CTNND1: variants seen among roughly 807,000 people sequenced by gnomAD.
CTNND1 encodes catenin delta 1, also known as catenin delta-1.
In CTNND1, 16 loss-of-function variants were observed where a neutral mutation model predicts 112.1. The observed-to-expected ratio is 0.14, with a 90% CI of 0.10 to 0.22. CTNND1 has a LOEUF of 0.22. Ranked by LOEUF, CTNND1 falls within the 10% of genes least tolerant of loss-of-function variation. CTNND1 has a pLI of 1.00. For synonymous variants in CTNND1, 420 were observed against 446.5 expected (o/e 0.94, Z 0.75); for missense variants, 1,008 against 1,257.0 (o/e 0.80, Z 3.00).
intron 1 of CTNND1, among the ~76,000 whole-genome samples, chr11:57,763,243 T>C (rs576829809): frequency 1.3e-4 from 20 of 152,326 alleles, no homozygotes; most frequent in African/African-American, 4.6e-4. Flanking sequence ...AACTCATCAG[T>C]AGCTGAAAAA....
Position 57,808,286 on chromosome 11 carries a change from C to T in CTNND1, c.2085C>T (p.Arg695=), listed in dbSNP as rs2062949209. ...CTATCCAGAACTTGTGTGCTGGGCG[C>T]TGGACGGTACCTTTTAGAAAAGGGA... ...AGAIQNLCAG[R]WTYGRYIRSA... is the part of the protein sequence containing the mutation. The change falls in exon 13 of 21, where the codon CGC becomes CGT. Residue 695 remains arginine, a synonymous_variant. Coordinates refer to ENST00000399050, the MANE Select transcript of CTNND1 (RefSeq NM_001085458.2). The T allele has an allele frequency of 6.2e-7, 1 of 1,609,158 alleles. No individual in the cohort carries two copies. Among genetic ancestry groups the T allele is most frequent in the Non-Finnish European group, 8.5e-7 (1 of 1,175,794 alleles).
intron 1 of CTNND1, among the ~76,000 whole-genome samples, chr11:57,770,519 G>A (rs1952308867): frequency 1.3e-5 from 2 of 151,878 alleles, no homozygotes; most frequent in Admixed American, 1.3e-4. Flanking sequence ...TGGGCGTGGT[G>A]GCACATGCCT....
chr11:57,807,627 A>G (rs1268667), intron 12 of CTNND1, among the ~76,000 whole-genome samples: 43,458 of 141,228 alleles, frequency 0.31, 7,391 homozygotes, highest in Non-Finnish European at 0.4. Context: ...AAAAAAAAAA[A>G]AAAAGAAAAG....
intron 1 of CTNND1, among the ~76,000 whole-genome samples, chr11:57,762,873 T>G (rs1333975867): frequency 6.6e-6 from 1 of 152,214 alleles, no homozygotes; most frequent in Non-Finnish European, 1.5e-5. Flanking sequence ...ATAAGGAAAT[T>G]CTAATCATGC....
intron 1 of CTNND1, among the ~76,000 whole-genome samples, chr11:57,769,952 A>C (rs1952137378): frequency 6.6e-6 from 1 of 152,184 alleles, no homozygotes; most frequent in African/African-American, 2.4e-5. Flanking sequence ...TCCGGAGTAA[A>C]TCATCTGTTT....
In CTNND1 at chr11:57,800,033, G is replaced by A. The variant is rs2061828546; in HGVS notation, c.957-1700G>A. Among the ~76,000 whole-genome samples, 8 of 126,356 alleles carry A rather than the reference G, an allele frequency of 6.3e-5. No individual in the cohort carries two copies. In the South Asian group the frequency reaches 2.0e-3, roughly 32 times the overall value. The allele number at this position is 126,356 out of a possible 152,430, so 82.9% of individuals were successfully genotyped here. ...GATGGAGTCTTGCTCTGTCACCCAG[G>A]CTGGAGAGCAGTGGTGCGATCTGGT... On this transcript the variant is annotated intron_variant, in intron 6 of 20. Transcript: ENST00000399050.
intron 1 of CTNND1, among the ~76,000 whole-genome samples, chr11:57,781,184 G>A (rs1026653294): frequency 6.6e-6 from 1 of 152,080 alleles, no homozygotes; most frequent in African/African-American, 2.4e-5. Flanking sequence ...TGATCCACCC[G>A]CCTCAGCCTC....
intron 1 of CTNND1, among the ~76,000 whole-genome samples, chr11:57,785,737 C>T (rs1444473503): frequency 2.0e-5 from 3 of 151,838 alleles, no homozygotes; most frequent in Admixed American, 6.6e-5. Context: ...TTAGTAGAGA[C>T]GGGGTTTCAC....
Position 57,808,471 on chromosome 11 carries a change from C to T in CTNND1, c.2173C>T (p.Arg725Trp), listed in dbSNP as rs199570555. The change falls in exon 14 of 21, where the codon CGG (arginine) becomes TGG (tryptophan). Residue 725 changes from arginine (R) to tryptophan (W), a missense_variant. Arg to Trp is a moderately radical substitution (Grantham distance 101). Coordinates refer to ENST00000399050, the MANE Select transcript of CTNND1 (RefSeq NM_001085458.2). Reference protein sequence around the residue: ...IADLLTNEHERVVKAASGALR... With the variant: ...IADLLTNEHEWVVKAASGALR... ...TGACCTCCTGACTAATGAACATGAA[C>T]GGGTGGTGAAAGCTGCATCTGGAGC... is the stretch of plus-strand genomic sequence containing the variant. 754 of 1,612,908 alleles carry T rather than the reference C, an allele frequency of 4.7e-4. 3 individuals are homozygous for T. Among genetic ancestry groups the T allele is most frequent in the Non-Finnish European group, 2.7e-4 (315 of 1,179,494 alleles).
At chr11:57,796,214 G>A (rs1188228091) in intron 5 of CTNND1, among the ~76,000 whole-genome samples, 4 of 151,776 alleles carry the variant, frequency 2.6e-5, no homozygotes, top group African/African-American at 4.8e-5. Context: ...GTGAAACCCC[G>A]TCTCTACTAA....
chr11:57,801,982 T>C lies in CTNND1; in HGVS notation c.1206T>C (p.Thr402=). The C allele has an allele frequency of 6.2e-7, 1 of 1,614,048 alleles. No individual in the cohort carries two copies. The highest frequency in any genetic ancestry group is 8.5e-7 in the Non-Finnish European group (1 of 1,179,900). ...HLCYRNDKVK[T]DVRKLKGIPV... Reference sequence around the variant, plus strand: ...GCTACCGCAATGACAAGGTGAAGACTGACGTGCGGAAGCTCAAGGGCATCC... The same window carrying C: ...GCTACCGCAATGACAAGGTGAAGACCGACGTGCGGAAGCTCAAGGGCATCC... Residue 402 remains threonine, a synonymous_variant, in exon 7 of 21, where the codon ACT becomes ACC. Transcript: ENST00000399050.
At chr11:57,807,249 A>G (rs1490668794) in intron 12 of CTNND1, among the ~76,000 whole-genome samples, 1 of 152,228 alleles carries the variant, frequency 6.6e-6, no homozygotes, top group East Asian at 1.9e-4. Context: ...TAGGAACCAT[A>G]AATGGCCACT....
At chr11:57,789,351 A>C (rs568160803) in intron 2 of CTNND1, among the ~76,000 whole-genome samples, 196 bp downstream of exon 2, 12 of 152,320 alleles carry the variant, frequency 7.9e-5, no homozygotes, top group African/African-American at 2.9e-4. Context: ...TTGGACTGGC[A>C]TAAAGTCTTT....
At position 57,810,180 on chromosome 11, in the gene CTNND1, G is replaced by A. The variant is rs747502652; in HGVS notation, c.2507G>A (p.Arg836Gln). Residue 836 changes from arginine to glutamine, a missense_variant, in exon 16 of 21, where the codon CGG becomes CAG. Physicochemically the swap from Arg to Gln is conservative, Grantham distance 43. Transcript: ENST00000399050. ...ACAATCTGGGGATATAAGGAACTGCGGAAGCCACTGGAAAAAGAAGGATGG... is the reference window on the plus strand; with the variant it reads ...ACAATCTGGGGATATAAGGAACTGCAGAAGCCACTGGAAAAAGAAGGATGG... ...LQTIWGYKEL[R>Q]KPLEKEGWKK... The A allele has an allele frequency of 4.3e-6, 7 of 1,611,978 alleles. No homozygotes were observed. The highest frequency in any genetic ancestry group is 1.7e-5 in the Admixed American group (1 of 59,726).
rs1338548117 is a variant in CTNND1, at chr11:57,791,459, C to T, written c.-20C>T. 3.5e-6 allele frequency: 5 copies of T among 1,437,074 alleles called. No homozygotes were observed. The highest frequency in any genetic ancestry group is 2.9e-5 in the Admixed American group (1 of 34,122). The allele number at this position is 1,437,074 out of a possible 1,614,324, so 89.0% of individuals were successfully genotyped here. On this transcript the variant is annotated 5_prime_UTR_variant, in exon 3 of 21. Coordinates refer to ENST00000399050, the MANE Select transcript of CTNND1 (RefSeq NM_001085458.2). ...CCTTCCTTTTTACCCTGCCCTGCGG[C>T]GGCTCCGCCCCTTACCTTCATGGAC...
chr11:57,807,605 CAAA>C (rs71470294), intron 12 of CTNND1, among the ~76,000 whole-genome samples: 3 of 29,224 alleles, frequency 1.0e-4, no homozygotes, highest in African/African-American at 3.9e-4. Context: ...AACTCCGTCT[CAAA>C]AAAAAAAAAA....
At chr11:57,809,220 G>T in intron 14 of CTNND1, 54 bp from the exon 15 acceptor site, 1 of 1,321,566 alleles carries the variant, frequency 7.6e-7, no homozygotes, top group South Asian at 1.3e-5. Flanking sequence ...ATAATGTAAG[G>T]CTCTTCATGA....
chr11:57,796,887 A>G lies in CTNND1; in HGVS notation c.851A>G (p.Asp284Gly), dbSNP rs1367084179. Residue 284 changes from aspartate to glycine, a missense_variant, in exon 6 of 21, where the codon GAT becomes GGT. Physicochemically the swap from Asp to Gly is moderately conservative, Grantham distance 94 (BLOSUM62 -1). Around this residue, in one of 5 missense-constraint regions of CTNND1, gnomAD observed 404 missense variants for 457.9 expected, o/e 0.88. Coordinates refer to ENST00000399050, the MANE Select transcript of CTNND1 (RefSeq NM_001085458.2). ...RFHPEPYGLEDDQRSMGYDDL... is the reference protein window; with the variant it reads ...RFHPEPYGLEGDQRSMGYDDL... ...CATCCAGAGCCTTATGGGCTAGAGG[A>G]TGACCAGCGTAGTATGGGCTATGAT... 1 of 1,608,894 alleles carries G rather than the reference A, an allele frequency of 6.2e-7. No individual in the cohort carries two copies. Among genetic ancestry groups the G allele is most frequent in the East Asian group, 2.2e-5 (1 of 44,778 alleles).
intron 5 of CTNND1, among the ~76,000 whole-genome samples, 177 bp downstream of exon 5, chr11:57,795,906 G>T (rs2061308859): frequency 6.6e-6 from 1 of 152,120 alleles, no homozygotes; most frequent in African/African-American, 2.4e-5. Context: ...TTATGGGATA[G>T]GGAAGACAGA....
Sources: allele counts gnomAD v4.1 joint callset (sites outside exome capture counted in the v4.1 genomes callset), GRCh38; gene constraint gnomAD v4.1.1; regional missense constraint gnomAD v4.1.1; transcripts MANE v1.5; gene names NCBI Gene and HGNC (gene_info 2026-07-23, HGNC 2026-07-21).